RFPL2: variants seen among roughly 807,000 people sequenced by gnomAD.
The protein encoded by RFPL2 is ret finger protein-like 2.
RFPL2 carries 13 observed loss-of-function variants against 17.8 expected under a neutral mutation model. The observed-to-expected ratio is 0.73, with a 90% CI of 0.47 to 1.16. The LOEUF (loss-of-function observed/expected upper bound fraction) is 1.16. Ranked by LOEUF, RFPL2 falls within the 50% of genes most tolerant of loss-of-function variation. RFPL2 has a pLI of 0.00. For missense variants in RFPL2, 431 were observed against 479.3 expected, an observed-to-expected ratio of 0.90 and a Z score of 0.94; for synonymous variants, 189 against 180.9, an observed-to-expected ratio of 1.04 and a Z score of -0.36.
Position 32,191,300 on chromosome 22 carries a change from G to A in RFPL2, c.609C>T (p.Asp203=), listed in dbSNP as rs753078382. ...NTANNFLLIS[D]DLRSVRSGRI... ...GCCCACTTCGGACGCTCCTGAGGTC[G>A]TCAGAAATGAGGAGGAAGTTGTTGG... The change falls in exon 5 of 5, where the codon GAC becomes GAT. Residue 203 remains aspartate (D), a synonymous_variant. Transcript: ENST00000652607. 64 of 1,613,870 alleles carry A rather than the reference G, an allele frequency of 4.0e-5. No individual in the cohort carries two copies. The Admixed American group carries it at 6.8e-4, about 17-fold the overall frequency.
intron 1 of RFPL2, chr22:32,203,009 C>G (rs1924104957): frequency 1.0e-6 from 1 of 985,788 alleles, no homozygotes; most frequent in Admixed American, 6.1e-5. Context: ...GTGCGCCCGC[C>G]GCACTTGAGC....
intron 2 of RFPL2, among the ~76,000 whole-genome samples, chr22:32,202,033 C>G (rs953945532): frequency 2.6e-5 from 4 of 152,158 alleles, no homozygotes; most frequent in Admixed American, 2.0e-4. Flanking sequence ...CCAGCAGGGC[C>G]GGGCTCCTTC....
chr22:32,202,732 G>A lies in RFPL2; in HGVS notation c.-99-182C>T, dbSNP rs1603212758. 21 of 1,197,608 alleles carry A rather than the reference G, an allele frequency of 1.8e-5. No homozygotes were observed. The South Asian group carries it at 5.1e-4, about 29-fold the overall frequency. 74.2% of individuals were successfully genotyped at this position (1,197,608 alleles called of 1,614,324 possible). A position where few individuals can be genotyped will look rare whatever the true frequency, so the allele number is the denominator to read the frequency against. ...GGACTGCAGACACCACAGTGCCCGG[G>A]CTTCCCACTCCACAGGAACAGCTGC... On this transcript the variant is annotated intron_variant, in intron 1 of 4. Coordinates refer to ENST00000652607, the MANE Select transcript of RFPL2 (RefSeq NM_001394555.1).
Position 32,202,441 on chromosome 22 carries a change from G to T in RFPL2, c.11C>A (p.Ala4Asp). 6.3e-7 allele frequency: 1 copy of T among 1,595,328 alleles called. No individual in the cohort carries two copies. MEVAELGFPETAVS... is the reference protein window; with the variant it reads MEVDELGFPETAVS... ...TGCAGTCTCTGGGAAGCCTAATTCA[G>T]CCACCTCCATCGGAGGCAAATCATG... The change falls in exon 2 of 5, where the codon GCT becomes GAT. Residue 4 changes from alanine (A) to aspartate (D), a missense_variant. Coordinates refer to ENST00000652607, the MANE Select transcript of RFPL2 (RefSeq NM_001394555.1).
chr22:32,194,143 G>A (rs1923057572), intron 3 of RFPL2, among the ~76,000 whole-genome samples: 1 of 152,068 alleles, frequency 6.6e-6, no homozygotes, highest in South Asian at 2.1e-4. Context: ...TCCAGCCTTG[G>A]AAGTGAATAC....
intron 2 of RFPL2, among the ~76,000 whole-genome samples, chr22:32,200,797 C>T (rs931071115): frequency 1.3e-5 from 2 of 152,112 alleles, no homozygotes; most frequent in Admixed American, 6.5e-5. Context: ...CTGCCCAGCT[C>T]CCCAGCCCTG....
In RFPL2 at chr22:32,193,049, G is replaced by C. The variant is rs1312592846; in HGVS notation, c.409C>G (p.Leu137Val). The change falls in exon 4 of 5, where the codon CTA (leucine) becomes GTA (valine). Residue 137 changes from leucine (L) to valine (V), a missense_variant. Physicochemically the swap from Leu to Val is conservative, Grantham distance 32. Coordinates refer to ENST00000652607, the MANE Select transcript of RFPL2 (RefSeq NM_001394555.1). ...SLQKEPHGED[L>V]LCCCSSMVSR... is the part of the protein sequence containing the mutation. ...ACCATGGAAGAGCAACAGCAAAGTA[G>C]ATCCTCCCCATGGGGCTCCTTCTGC... 2 of 1,613,890 alleles carry C rather than the reference G, an allele frequency of 1.2e-6. No individual in the cohort carries two copies. Among genetic ancestry groups the C allele is most frequent in the Non-Finnish European group, 1.7e-6 (2 of 1,179,910 alleles).
intron 1 of RFPL2, among the ~76,000 whole-genome samples, chr22:32,204,468 G>T (rs747160115): frequency 2.6e-5 from 4 of 152,058 alleles, no homozygotes; most frequent in Non-Finnish European, 5.9e-5. Flanking sequence ...CCACGATGGC[G>T]CCCTCAATCC....
intron 3 of RFPL2, among the ~76,000 whole-genome samples, chr22:32,193,648 G>T (rs374101334): frequency 6.6e-6 from 1 of 152,182 alleles, no homozygotes; most frequent in Admixed American, 6.5e-5. Flanking sequence ...ATCTGAGGTC[G>T]TCAAAAGTTC....
chr22:32,203,181 T>C, intron 1 of RFPL2: 1 of 774,928 alleles, frequency 1.3e-6, no homozygotes, highest in Non-Finnish European at 1.6e-6. Context: ...GCTGGCAGCC[T>C]GCCCCCTGCC....
intron 2 of RFPL2, among the ~76,000 whole-genome samples, chr22:32,198,979 G>A (rs136489): frequency 0.46 from 70,614 of 152,092 alleles, 19,405 homozygotes; most frequent in African/African-American, 0.76. Context: ...GAGAATGAGA[G>A]GCTTGAGGGA....
intron 1 of RFPL2, chr22:32,202,898 C>G (rs576824256): frequency 1.1e-5 from 11 of 1,000,512 alleles, no homozygotes; most frequent in Non-Finnish European, 1.2e-5. Context: ...TCCACTACTG[C>G]GTGCCCCGGG....
intron 4 of RFPL2, 146 bp from the exon 5 acceptor site, chr22:32,191,498 C>T: frequency 1.0e-6 from 1 of 952,484 alleles, no homozygotes; most frequent in Non-Finnish European, 1.6e-6. Flanking sequence ...AGGTAACTTC[C>T]CTGACTAGTT....
intron 4 of RFPL2, 112 bp from the exon 5 acceptor site, chr22:32,191,464 T>C: frequency 3.7e-6 from 5 of 1,366,940 alleles, no homozygotes; most frequent in Non-Finnish European, 3.0e-6. Flanking sequence ...AATTCTCTTC[T>C]TCCCCCAAAA....
chr22:32,200,188 A>AAG (rs1275613793), intron 2 of RFPL2: 1 of 379,700 alleles, frequency 2.6e-6, no homozygotes, highest in Non-Finnish European at 5.2e-6. Flanking sequence ...GTCACACACA[A>AAG]AGAGAGCGCT....
intron 2 of RFPL2, among the ~76,000 whole-genome samples, 157 bp downstream of exon 2, chr22:32,202,176 C>G (rs889507768): frequency 6.6e-6 from 1 of 152,102 alleles, no homozygotes; most frequent in African/African-American, 2.4e-5. Flanking sequence ...CTTCTCTCCC[C>G]CCACTTTCTG....
chr22:32,191,603 C>T (rs1262857495), intron 4 of RFPL2, among the ~76,000 whole-genome samples: 3 of 152,166 alleles, frequency 2.0e-5, no homozygotes, highest in East Asian at 3.8e-4. Flanking sequence ...CTTCATTGGC[C>T]TTTTCTTCGT....
intron 2 of RFPL2, among the ~76,000 whole-genome samples, chr22:32,197,214 A>C (rs1295373821): frequency 1.3e-5 from 2 of 152,184 alleles, no homozygotes; most frequent in Non-Finnish European, 2.9e-5. Flanking sequence ...ATCTTAGTGA[A>C]TGTAAAGATA....
Position 32,201,441 on chromosome 22 carries a change from C to G in RFPL2, c.119+892G>C, listed in dbSNP as rs773180207. On this transcript the variant is annotated intron_variant, in intron 2 of 4. Coordinates refer to ENST00000652607, the MANE Select transcript of RFPL2 (RefSeq NM_001394555.1). The stretch of plus-strand genomic sequence containing the variant: ...TGTTTTCACAACTAAAAGCGAGGAC[C>G]CGTCTTAACCAAGGCCTCAATATTG... Among the ~76,000 whole-genome samples, 15 of 152,206 alleles carry G rather than the reference C, an allele frequency of 9.9e-5. No individual in the cohort carries two copies. In the South Asian group the frequency reaches 2.3e-3, roughly 23 times the overall value.
Sources: allele counts gnomAD v4.1 joint callset (sites outside exome capture counted in the v4.1 genomes callset), GRCh38; gene constraint gnomAD v4.1.1; transcripts MANE v1.5; gene names NCBI Gene and HGNC (gene_info 2026-07-23, HGNC 2026-07-21).